ANKIB1: variants seen among roughly 807,000 people sequenced by gnomAD.
ANKIB1 encodes the protein ankyrin repeat and IBR domain-containing protein 1.
ANKIB1 carries 43 observed loss-of-function variants against 122.1 expected under a neutral mutation model. That is an observed-to-expected ratio of 0.35 (90% CI 0.28 to 0.45). The LOEUF is 0.45. ANKIB1 is among the 20% of genes least tolerant of loss of function. The pLI is 1.00. For synonymous variants in ANKIB1, 390 were observed against 442.0 expected (o/e 0.88, Z 1.48); for missense variants, 992 against 1,329.5 (o/e 0.75, Z 3.95).
At position 92,246,535 on chromosome 7, in the gene ANKIB1, G is replaced by T. The variant is rs761120586; in HGVS notation, c.-91+16G>T. 1.9e-6 allele frequency: 1 copy of T among 517,676 alleles called. No individual in the cohort carries two copies. The highest frequency in any genetic ancestry group is 5.5e-5 in the East Asian group (1 of 18,324). The allele number at this position is 517,676 out of a possible 1,614,324, so 32.1% of individuals were successfully genotyped here. Reference sequence around the variant, plus strand: ...AGAAGTAACCGTAAGTCTCAGCTTCGCGGTACAGATGTGTTTGAGGCTGCC... The same window carrying T: ...AGAAGTAACCGTAAGTCTCAGCTTCTCGGTACAGATGTGTTTGAGGCTGCC... On this transcript the variant is annotated intron_variant, in intron 1 of 19. Transcript: ENST00000265742.
intron 5 of ANKIB1, among the ~76,000 whole-genome samples, chr7:92,341,080 A>G (rs538945404): frequency 4.9e-4 from 74 of 152,222 alleles, no homozygotes; most frequent in Non-Finnish European, 8.1e-4. Context: ...CGAGGTGGGC[A>G]GATCACTTGA....
chr7:92,293,400 A>T (rs1802290471), intron 1 of ANKIB1, among the ~76,000 whole-genome samples: 1 of 152,082 alleles, frequency 6.6e-6, no homozygotes, highest in Non-Finnish European at 1.5e-5. Flanking sequence ...CTGTTGCCCA[A>T]ACTGGTTTCA....
intron 2 of ANKIB1, among the ~76,000 whole-genome samples, chr7:92,299,891 C>A (rs1285231901): frequency 6.6e-6 from 1 of 152,062 alleles, no homozygotes; most frequent in African/African-American, 2.4e-5. Context: ...ACTGCAGCCT[C>A]GACCTCAGGC....
chr7:92,393,025 A>G (rs998373144), intron 17 of ANKIB1, among the ~76,000 whole-genome samples: 1 of 152,034 alleles, frequency 6.6e-6, no homozygotes, highest in Non-Finnish European at 1.5e-5. Flanking sequence ...CTTGCTCTTT[A>G]TTAAACAGTA....
In ANKIB1 at chr7:92,246,486, C is replaced by A. The variant is rs1366598136; in HGVS notation, c.-124C>A. 4 of 518,342 alleles carry A rather than the reference C, an allele frequency of 7.7e-6. No homozygotes were observed. The highest frequency in any genetic ancestry group is 1.9e-5 in the African/African-American group (1 of 51,960). 32.1% of individuals were successfully genotyped at this position (518,342 alleles called of 1,614,324 possible). On this transcript the variant is annotated 5_prime_UTR_variant, in exon 1 of 20. Coordinates refer to ENST00000265742, the MANE Select transcript of ANKIB1 (RefSeq NM_019004.2). ...AGGCGGAACTGCGGAGTTGCTGGGT[C>A]CACCGACCCTTACCCTCAGCGAGAG...
At position 92,399,729 on chromosome 7, in the gene ANKIB1, T is replaced by C. The variant is rs1804978860; in HGVS notation, c.*780T>C. The C allele has an allele frequency of 6.6e-6, 1 of 152,234 alleles. No homozygotes were observed. The highest frequency in any genetic ancestry group is 1.5e-5 in the Non-Finnish European group (1 of 68,040). 9.4% of individuals were successfully genotyped at this position (152,234 alleles called of 1,614,324 possible). ...AGACTGCATTTATATAAATGTAGCC[T>C]GTAGCTTAAGTTAACTAAACCTAAT... On this transcript the variant is annotated 3_prime_UTR_variant, in exon 20 of 20. Coordinates refer to ENST00000265742, the MANE Select transcript of ANKIB1 (RefSeq NM_019004.2).
At chr7:92,288,086 T>A (rs1386650576) in intron 1 of ANKIB1, among the ~76,000 whole-genome samples, 1 of 146,052 alleles carries the variant, frequency 6.8e-6, no homozygotes, top group Non-Finnish European at 1.5e-5. Context: ...AATACAAATC[T>A]ACTTTAGACA....
chr7:92,246,545 T>G (rs1352836073), intron 1 of ANKIB1, 26 bp downstream of exon 1: 1 of 516,886 alleles, frequency 1.9e-6, no homozygotes. Context: ...GCGGTACAGA[T>G]GTGTTTGAGG....
intron 3 of ANKIB1, among the ~76,000 whole-genome samples, chr7:92,309,940 A>AT (rs57536267): frequency 0.08 from 8,244 of 103,098 alleles, 338 homozygotes; most frequent in Non-Finnish European, 0.095. Context: ...AAAAAAAAAA[A>AT]AAATATATAT....
At chr7:92,249,408 G>T (rs1376957310) in intron 1 of ANKIB1, among the ~76,000 whole-genome samples, 1 of 151,350 alleles carries the variant, frequency 6.6e-6, no homozygotes, top group Non-Finnish European at 1.5e-5. Flanking sequence ...CTGTTGCAAG[G>T]TTGTTTCATA....
At chr7:92,321,463 A>G (rs1185898028) in intron 4 of ANKIB1, among the ~76,000 whole-genome samples, 3 of 152,200 alleles carry the variant, frequency 2.0e-5, no homozygotes, top group Non-Finnish European at 4.4e-5. Context: ...TTTCTCTCCT[A>G]TTAGACTGTC....
intron 5 of ANKIB1, among the ~76,000 whole-genome samples, chr7:92,338,418 CA>C (rs11393456): frequency 1.4e-5 from 2 of 147,182 alleles, no homozygotes; most frequent in South Asian, 2.2e-4. Context: ...GACTTTGCCT[CA>C]AAAAAAAATA....
At chr7:92,277,645 G>A (rs1801931228) in intron 1 of ANKIB1, among the ~76,000 whole-genome samples, 2 of 152,136 alleles carry the variant, frequency 1.3e-5, no homozygotes, top group Admixed American at 1.3e-4. Flanking sequence ...ATTTATGGAT[G>A]TTCTGTGTGA....
chr7:92,253,706 T>C (rs147695667), intron 1 of ANKIB1, among the ~76,000 whole-genome samples: 35 of 152,238 alleles, frequency 2.3e-4, no homozygotes, highest in African/African-American at 7.7e-4. Context: ...ACCTTTCCAT[T>C]CTTTTTAACA....
At chr7:92,270,728 GTTTTTTT>G (rs397889266) in intron 1 of ANKIB1, among the ~76,000 whole-genome samples, 2 of 81,982 alleles carry the variant, frequency 2.4e-5, no homozygotes, top group Admixed American at 1.4e-4. Context: ...CATCGCTATA[GTTTTTTT>G]TTTTTTTTTT....
intron 9 of ANKIB1, among the ~76,000 whole-genome samples, chr7:92,359,964 G>T (rs1803906622): frequency 2.0e-5 from 3 of 152,108 alleles, no homozygotes; most frequent in African/African-American, 7.2e-5. Flanking sequence ...CCACTAAGTT[G>T]CTAGGAGCTC....
chr7:92,366,636 AT>A (rs1804090539), intron 10 of ANKIB1, among the ~76,000 whole-genome samples: 1 of 152,144 alleles, frequency 6.6e-6, no homozygotes, highest in Non-Finnish European at 1.5e-5. Context: ...ATCTTTCCAA[AT>A]CAAAACCCCC....
At chr7:92,326,992 A>G (rs1327156818) in intron 4 of ANKIB1, among the ~76,000 whole-genome samples, 1 of 152,152 alleles carries the variant, frequency 6.6e-6, no homozygotes, top group African/African-American at 2.4e-5. Context: ...TTTTACATTG[A>G]TAGAATACCC....
rs116485271 is a variant in ANKIB1, at chr7:92,266,213, G to A, written c.-91+19694G>A. Among the ~76,000 whole-genome samples the A allele has an allele frequency of 2.9e-3, 443 of 152,322 alleles. 4 individuals are homozygous for A. The highest frequency in any genetic ancestry group is 0.01 in the African/African-American group (420 of 41,566). On this transcript the variant is annotated intron_variant, in intron 1 of 19. Transcript: ENST00000265742. ...ACATTTGTTCAGAGGGCTGCTAAGA[G>A]TTCAGATAGGATGAGAGTAGGAGAA...
Sources: allele counts gnomAD v4.1 joint callset (sites outside exome capture counted in the v4.1 genomes callset), GRCh38; gene constraint gnomAD v4.1.1; transcripts MANE v1.5; gene names NCBI Gene and HGNC (gene_info 2026-07-23, HGNC 2026-07-21).